NRXN1: variants seen among roughly 807,000 people sequenced by gnomAD.
The protein encoded by NRXN1 is neurexin-1.
A neutral mutation model predicts 150.9 loss-of-function variants in NRXN1; 39 were observed. That is an observed-to-expected ratio of 0.26 (90% CI 0.20 to 0.34). The LOEUF is 0.34. Among genes scored for constraint, NRXN1 ranks in the 10% least tolerant of loss-of-function variants. The probability of loss-of-function intolerance (pLI) is 1.00; values close to 1 mark genes in which losing one functional copy is unlikely to be tolerated. For missense variants in NRXN1, 1,815 were observed against 1,949.9 expected (o/e 0.93, Z 1.30); for synonymous variants, 924 against 757.0 (o/e 1.22, Z -3.62).
At chr2:50,094,612 T>A (rs1200134602) in intron 18 of NRXN1, among the ~76,000 whole-genome samples, 1 of 152,026 alleles carries the variant, frequency 6.6e-6, no homozygotes, top group Non-Finnish European at 1.5e-5. Context: ...AAAGAGATAT[T>A]GATGTACCAG....
intron 17 of NRXN1, among the ~76,000 whole-genome samples, chr2:50,243,846 A>T (rs1320964391): frequency 6.6e-6 from 1 of 151,868 alleles, no homozygotes; most frequent in Non-Finnish European, 1.5e-5. Context: ...CCCAGCCAAG[A>T]TACCATTTAA....
intron 17 of NRXN1, among the ~76,000 whole-genome samples, chr2:50,295,636 T>C (rs1331173860): frequency 6.6e-6 from 1 of 152,240 alleles, no homozygotes; most frequent in East Asian, 1.9e-4. Flanking sequence ...TTTTATTTTA[T>C]CCTGTCATTG....
chr2:50,001,942 G>A (rs1684002624), intron 21 of NRXN1, among the ~76,000 whole-genome samples: 1 of 152,020 alleles, frequency 6.6e-6, no homozygotes, highest in Non-Finnish European at 1.5e-5. Flanking sequence ...TGGCCTTCAA[G>A]AAGCAAGCTT....
chr2:50,934,253 T>C lies in NRXN1; in HGVS notation c.773-8298A>G, dbSNP rs189519014. ...TTTTTTCTACAAAAGTTAACGTGAA[T>C]AGAAGAAAAACATTTATAATAAATA... On this transcript the variant is annotated intron_variant, in intron 2 of 22. Coordinates refer to ENST00000401669, the MANE Select transcript of NRXN1 (RefSeq NM_001330078.2). Among the ~76,000 whole-genome samples the C allele has an allele frequency of 3.8e-3, 582 of 152,222 alleles. 3 individuals are homozygous for C. The highest frequency in any genetic ancestry group is 5.3e-3 in the Non-Finnish European group (362 of 67,968).
intron 2 of NRXN1, among the ~76,000 whole-genome samples, chr2:50,932,693 C>A (rs1273766362): frequency 6.6e-6 from 1 of 151,986 alleles, no homozygotes; most frequent in South Asian, 2.1e-4. Context: ...CTTATCCATG[C>A]AACCAAACAC....
intron 5 of NRXN1, among the ~76,000 whole-genome samples, chr2:50,879,888 T>C (rs1415547335): frequency 6.6e-6 from 1 of 151,922 alleles, no homozygotes; most frequent in Non-Finnish European, 1.5e-5. Flanking sequence ...TGCCCATGGT[T>C]GAGACGTATT....
intron 21 of NRXN1, among the ~76,000 whole-genome samples, chr2:49,954,768 A>G (rs148991575): frequency 6.6e-6 from 1 of 152,302 alleles, no homozygotes; most frequent in African/African-American, 2.4e-5. Context: ...AGTGCATTAG[A>G]ATAGTGGGAG....
At chr2:50,018,652 G>C (rs1687021349) in intron 21 of NRXN1, among the ~76,000 whole-genome samples, 1 of 152,168 alleles carries the variant, frequency 6.6e-6, no homozygotes, top group African/African-American at 2.4e-5. Context: ...TTAGACTGCT[G>C]ATTTGATATG....
chr2:50,121,862 T>C (rs1558922745), intron 18 of NRXN1, among the ~76,000 whole-genome samples: 1 of 152,204 alleles, frequency 6.6e-6, no homozygotes, highest in Non-Finnish European at 1.5e-5. Context: ...TCAAGATGAC[T>C]AGAGGTCAAT....
intron 5 of NRXN1, among the ~76,000 whole-genome samples, chr2:50,763,112 T>G (rs1027031209): frequency 6.6e-6 from 1 of 152,006 alleles, no homozygotes; most frequent in Non-Finnish European, 1.5e-5. Context: ...TGAACATTAA[T>G]GATACCACAG....
rs369727741 is a variant in NRXN1, at chr2:50,617,656, T to C, written c.1320+2366A>G. ...AAGAGTGAATTGTATCCAAACCCTA[T>C]AGTGACAACAGCACAAGTGAATCCT... On this transcript the variant is annotated intron_variant, in intron 8 of 22. Coordinates refer to ENST00000401669, the MANE Select transcript of NRXN1 (RefSeq NM_001330078.2). Among the ~76,000 whole-genome samples the C allele has an allele frequency of 3.4e-4, 52 of 152,262 alleles. No homozygotes were observed. The South Asian group carries it at 8.5e-3, about 25-fold the overall frequency.
intron 15 of NRXN1, among the ~76,000 whole-genome samples, chr2:50,486,894 AC>A (rs2090912217): frequency 6.6e-6 from 1 of 152,168 alleles, no homozygotes; most frequent in Admixed American, 6.6e-5. Context: ...ATCAAAGAAT[AC>A]ACTGGCAAAC....
rs1167347964 is a variant in NRXN1 at position 50,779,334 on chromosome 2, CT to C, written c.832+142534del. 3.3e-5 allele frequency among the ~76,000 whole-genome samples: 5 copies of C among 152,276 alleles called. No individual in the cohort carries two copies. The East Asian group carries it at 9.6e-4, about 29-fold the overall frequency. On this transcript the variant is annotated intron_variant, in intron 5 of 22. Transcript: ENST00000401669. Reference sequence around the variant, plus strand: ...TGGTTTTTCAGTTTAATCCATGTCCCTGCAAAATACATGAACTCATCTTTTT... The same window carrying C: ...TGGTTTTTCAGTTTAATCCATGTCCCGCAAAATACATGAACTCATCTTTTT...
At chr2:49,927,866 T>TTA (rs1373980750) in intron 22 of NRXN1, among the ~76,000 whole-genome samples, 10 of 152,112 alleles carry the variant, frequency 6.6e-5, no homozygotes, top group Admixed American at 5.9e-4. Flanking sequence ...CACTGTAATC[T>TTA]TATATATATA....
At chr2:50,261,537 G>A (rs145352199) in intron 17 of NRXN1, among the ~76,000 whole-genome samples, 1 of 151,920 alleles carries the variant, frequency 6.6e-6, no homozygotes, top group African/African-American at 2.4e-5. Context: ...ATAGACTTAA[G>A]TCACAAGACA....
intron 5 of NRXN1, among the ~76,000 whole-genome samples, chr2:50,864,639 T>C (rs1676615353): frequency 6.6e-6 from 1 of 152,012 alleles, no homozygotes. Context: ...ACAAAAAATA[T>C]TCATTTCTCC....
intron 5 of NRXN1, among the ~76,000 whole-genome samples, chr2:50,777,170 G>C (rs1392413932): frequency 6.6e-6 from 1 of 152,096 alleles, no homozygotes; most frequent in Non-Finnish European, 1.5e-5. Context: ...AACCGAGCTA[G>C]TCTTACTAGA....
At chr2:50,195,433 G>A (rs1380145357) in intron 18 of NRXN1, among the ~76,000 whole-genome samples, 1 of 152,108 alleles carries the variant, frequency 6.6e-6, no homozygotes, top group Non-Finnish European at 1.5e-5. Flanking sequence ...AATTTTAACA[G>A]TGATTGCCAT....
Position 50,053,463 on chromosome 2 carries a change from G to C in NRXN1, c.3936C>G (p.Ala1312=). Residue 1312 remains alanine, a synonymous_variant, in exon 21 of 23, where the codon GCC becomes GCG. Transcript: ENST00000401669. ...YNGLKVLNMA[A]ENDANIAIVG... ...CTATGGCGATGTTGGCATCGTTTTC[G>C]GCTGCCATATTCAGAACTTTCAAGC... The C allele has an allele frequency of 1.2e-6, 2 of 1,613,936 alleles. No individual in the cohort carries two copies. The highest frequency in any genetic ancestry group is 8.5e-7 in the Non-Finnish European group (1 of 1,179,930).
Sources: allele counts gnomAD v4.1 joint callset (sites outside exome capture counted in the v4.1 genomes callset), GRCh38; gene constraint gnomAD v4.1.1; transcripts MANE v1.5; gene names NCBI Gene and HGNC (gene_info 2026-07-23, HGNC 2026-07-21).